SMC6: variants seen among roughly 807,000 people sequenced by gnomAD.
The protein encoded by SMC6 is structural maintenance of chromosomes 6, also known as structural maintenance of chromosomes protein 6.
In SMC6, 79 loss-of-function variants were observed where a neutral mutation model predicts 142.2. The observed-to-expected ratio is 0.56, with a 90% CI of 0.46 to 0.67. The LOEUF is 0.67. Among genes scored for constraint, SMC6 ranks in the 30% least tolerant of loss-of-function variants. The pLI is 0.00. For synonymous variants in SMC6, 411 were observed against 412.4 expected (o/e 1.00, Z 0.04); for missense variants, 1,072 against 1,284.0 (o/e 0.83, Z 2.52).
Position 17,716,844 on chromosome 2 carries a change from C to G in SMC6, c.1243G>C (p.Glu415Gln), listed in dbSNP as rs761874486. 5.7e-5 allele frequency: 92 copies of G among 1,613,062 alleles called. No individual in the cohort carries two copies. The South Asian group carries it at 1.0e-3, about 18-fold the overall frequency. ...ERQKKISWLKERVKAFQNQEN... is the reference protein window; with the variant it reads ...ERQKKISWLKQRVKAFQNQEN... Reference sequence around the variant, plus strand: ...TGATTTTGAAAGGCCTTTACTCTCTCTTTTAACCAAGATATTTTTTTTTGT... The same window carrying G: ...TGATTTTGAAAGGCCTTTACTCTCTGTTTTAACCAAGATATTTTTTTTTGT... The change falls in exon 14 of 28, where the codon GAG becomes CAG. Residue 415 changes from glutamate to glutamine, a missense_variant. Glu to Gln is a conservative substitution (Grantham distance 29, BLOSUM62 2). Transcript: ENST00000448223.
At chr2:17,675,538 G>A (rs1211261384) in intron 25 of SMC6, among the ~76,000 whole-genome samples, 1 of 152,014 alleles carries the variant, frequency 6.6e-6, no homozygotes, top group Non-Finnish European at 1.5e-5. Flanking sequence ...CAAGCATACT[G>A]AAGAATAATT....
At chr2:17,667,805 A>G (rs1666571051) in intron 26 of SMC6, among the ~76,000 whole-genome samples, 1 of 152,170 alleles carries the variant, frequency 6.6e-6, no homozygotes, top group Admixed American at 6.5e-5. Context: ...AGCTGAAATC[A>G]CGCCACTGCA....
chr2:17,683,823 G>A lies in SMC6; in HGVS notation c.2679-60C>T, dbSNP rs1335492150. 4 of 1,479,680 alleles carry A rather than the reference G, an allele frequency of 2.7e-6. No homozygotes were observed. In the African/African-American group the frequency reaches 5.6e-5, roughly 21 times the overall value. 91.7% of individuals were successfully genotyped at this position (1,479,680 alleles called of 1,614,324 possible). A position where few individuals can be genotyped will look rare whatever the true frequency, so the allele number is the denominator to read the frequency against. ...ACCACACGTAAAAAACATAACAGTA[G>A]AATCTCAAACAGATTTAACTGGGAA... On this transcript the variant is annotated intron_variant, in intron 23 of 27. Coordinates refer to ENST00000448223, the MANE Select transcript of SMC6 (RefSeq NM_001142286.2).
chr2:17,725,405 C>T, intron 8 of SMC6, 47 bp from the exon 9 acceptor site: 1 of 1,299,920 alleles, frequency 7.7e-7, no homozygotes, highest in East Asian at 2.4e-5. Flanking sequence ...TTGTAAACTT[C>T]CATAGAACTG....
In SMC6 at chr2:17,716,303, T is replaced by C. The variant is rs370978731; in HGVS notation, c.1347-39A>G. The C allele has an allele frequency of 1.2e-5, 19 of 1,570,070 alleles. No homozygotes were observed. The East Asian group carries it at 2.1e-4, about 17-fold the overall frequency. On this transcript the variant is annotated intron_variant, in intron 14 of 27. Coordinates refer to ENST00000448223, the MANE Select transcript of SMC6 (RefSeq NM_001142286.2). ...GCAGAAAAACAGAACATATATGTGA[T>C]AGTTTTACAGAAACATTTAACCTTT...
chr2:17,712,018 T>C (rs1668851494), intron 16 of SMC6, among the ~76,000 whole-genome samples: 1 of 151,778 alleles, frequency 6.6e-6, no homozygotes, highest in Non-Finnish European at 1.5e-5. Context: ...CAGAAGGAGA[T>C]GAAGAAAAGC....
At chr2:17,700,502 A>C in intron 20 of SMC6, 124 bp from the exon 21 acceptor site, 1 of 647,016 alleles carries the variant, frequency 1.5e-6, no homozygotes. Context: ...ATCAAATACA[A>C]ATAGAACACT....
rs567237796 is a variant in SMC6, at chr2:17,721,301, T to C, written c.727-40A>G. The C allele has an allele frequency of 1.5e-5, 23 of 1,514,448 alleles. No individual in the cohort carries two copies. The African/African-American group carries it at 2.2e-4, about 15-fold the overall frequency. The allele number at this position is 1,514,448 out of a possible 1,614,324, so 93.8% of individuals were successfully genotyped here. ...ACAGAACGGACGTATTTTTTATTAA[T>C]GTTGAAAAAACACATTTTTGCAAAT... On this transcript the variant is annotated intron_variant, in intron 9 of 27. Coordinates refer to ENST00000448223, the MANE Select transcript of SMC6 (RefSeq NM_001142286.2).
intron 5 of SMC6, among the ~76,000 whole-genome samples, chr2:17,734,876 C>T (rs1670074194): frequency 6.6e-6 from 1 of 152,076 alleles, no homozygotes; most frequent in South Asian, 2.1e-4. Flanking sequence ...AGATTACAGG[C>T]ACCCACCACC....
At chr2:17,689,037 C>T (rs1667583468) in intron 23 of SMC6, among the ~76,000 whole-genome samples, 1 of 152,014 alleles carries the variant, frequency 6.6e-6, no homozygotes, top group Non-Finnish European at 1.5e-5. Context: ...AAGTGTCTGT[C>T]TGCAGAATGT....
intron 15 of SMC6, among the ~76,000 whole-genome samples, chr2:17,715,278 T>C (rs555052157): frequency 1.3e-5 from 2 of 152,288 alleles, no homozygotes; most frequent in African/African-American, 4.8e-5. Flanking sequence ...GGAAATCCCC[T>C]ATACCCATAG....
At chr2:17,709,393 G>C (rs1668706645) in intron 16 of SMC6, among the ~76,000 whole-genome samples, 1 of 152,126 alleles carries the variant, frequency 6.6e-6, no homozygotes, top group African/African-American at 2.4e-5. Flanking sequence ...GCTCATGAAA[G>C]AGACAATCTT....
At chr2:17,666,865 C>T (rs1433511094) in intron 26 of SMC6, among the ~76,000 whole-genome samples, 1 of 151,760 alleles carries the variant, frequency 6.6e-6, no homozygotes, top group African/African-American at 2.4e-5. Flanking sequence ...GCCTGTCATC[C>T]TAGCTACTCG....
intron 16 of SMC6, among the ~76,000 whole-genome samples, chr2:17,710,520 T>C (rs762800386): frequency 7.2e-5 from 11 of 152,088 alleles, no homozygotes; most frequent in Non-Finnish European, 1.3e-4. Context: ...GAGAAGTGCA[T>C]ACCAAGAAGA....
At chr2:17,700,462 A>G in intron 20 of SMC6, 84 bp from the exon 21 acceptor site, 2 of 1,116,900 alleles carry the variant, frequency 1.8e-6, no homozygotes, top group South Asian at 3.5e-5. Context: ...ATTCTGAGAG[A>G]GGAGAAACTA....
intron 3 of SMC6, among the ~76,000 whole-genome samples, chr2:17,744,018 T>C (rs1241302426): frequency 2.0e-5 from 3 of 152,230 alleles, no homozygotes; most frequent in Non-Finnish European, 4.4e-5. Flanking sequence ...TTGGTAATTA[T>C]GAATAAAGCT....
At chr2:17,726,207 T>A (rs1291804411) in intron 8 of SMC6, among the ~76,000 whole-genome samples, 182 bp downstream of exon 8, 1 of 150,998 alleles carries the variant, frequency 6.6e-6, no homozygotes, top group African/African-American at 2.4e-5. Flanking sequence ...AACAAAGATT[T>A]AAAAAAATTA....
At chr2:17,690,955 A>T (rs1667682585) in intron 23 of SMC6, among the ~76,000 whole-genome samples, 1 of 151,792 alleles carries the variant, frequency 6.6e-6, no homozygotes, top group African/African-American at 2.4e-5. Flanking sequence ...AGTTTATACT[A>T]CTAAAAAAAA....
chr2:17,693,915 G>A (rs1445627708), intron 23 of SMC6, among the ~76,000 whole-genome samples: 1 of 145,964 alleles, frequency 6.9e-6, no homozygotes, highest in Admixed American at 7.2e-5. Flanking sequence ...CAGGAGAATC[G>A]CTTGAACCCG....
Sources: gnomAD v4.1 joint callset for allele counts (sites outside exome capture counted in the v4.1 genomes callset) on GRCh38, gnomAD v4.1.1 for gene constraint, MANE v1.5 for transcripts, NCBI Gene and HGNC (gene_info 2026-07-23, HGNC 2026-07-21) for gene names.